Variants in BRD1 observed in about 807,000 individuals in gnomAD.
BRD1 encodes bromodomain-containing protein 1.
Under a neutral mutation model 107.7 loss-of-function variants are expected in BRD1, and 24 were observed. That is an observed-to-expected ratio of 0.22 (90% confidence interval 0.16 to 0.31). The LOEUF (loss-of-function observed/expected upper bound fraction) is 0.31, where lower values mean the gene tolerates loss of function less well. BRD1 is among the 10% of genes least tolerant of loss of function. BRD1 has a pLI of 1.00. For missense variants in BRD1, 1,279 were observed against 1,638.6 expected, an observed-to-expected ratio of 0.78 and a Z score of 3.79; for synonymous variants, 744 against 686.1, an observed-to-expected ratio of 1.08 and a Z score of -1.32.
chr22:49,825,112 AG>A (rs2060132630), intron 1 of BRD1, among the ~76,000 whole-genome samples: 1 of 152,160 alleles, frequency 6.6e-6, no homozygotes, highest in South Asian at 2.1e-4. Context: ...CCTTCCCCTC[AG>A]GGGCACTCCT....
chr22:49,808,296 AT>A (rs1404408926), intron 2 of BRD1, among the ~76,000 whole-genome samples: 1 of 152,272 alleles, frequency 6.6e-6, no homozygotes, highest in Non-Finnish European at 1.5e-5. Context: ...GGAGGAAGGA[AT>A]GGGTAAGCAA....
At chr22:49,775,463 C>G in intron 12 of BRD1, 128 bp downstream of exon 12, 1 of 965,066 alleles carries the variant, frequency 1.0e-6, no homozygotes, top group Non-Finnish European at 1.4e-6. Context: ...GAGCACTCAC[C>G]TCCGACTTTA....
chr22:49,823,640 C>T lies in BRD1; in HGVS notation c.678G>A (p.Gln226=), dbSNP rs768818359. The T allele has an allele frequency of 1.3e-5, 21 of 1,612,630 alleles. No individual in the cohort carries two copies. The highest frequency in any genetic ancestry group is 1.7e-5 in the Non-Finnish European group (20 of 1,179,694). The part of the protein sequence containing the change: ...VCCICMDGEC[Q]NSNVILFCDM... ...CGCAGAAGAGGATCACGTTGCTGTTCTGACACTCCCCGTCCATGCAGATGC... is the reference window on the plus strand; with the variant it reads ...CGCAGAAGAGGATCACGTTGCTGTTTTGACACTCCCCGTCCATGCAGATGC... Residue 226 remains glutamine (Q), a synonymous_variant, in exon 2 of 13, where the codon CAG becomes CAA. Transcript: ENST00000404760.
rs1472511880 is a variant in BRD1 at position 49,827,837 on chromosome 22, G to T, written c.-355C>A. Among the ~76,000 whole-genome samples, 2 of 146,128 alleles carry T rather than the reference G, an allele frequency of 1.4e-5. No homozygotes were observed. The highest frequency in any genetic ancestry group is 6.8e-5 in the Admixed American group (1 of 14,744). On this transcript the variant is annotated 5_prime_UTR_variant, in exon 1 of 13. Transcript: ENST00000404760. ...CGGGGCTGGCTCGGACTCCAGGGCC[G>T]GGTCGCTCGCTCGCTCCCCAGCGAA...
At position 49,825,096 on chromosome 22, in the gene BRD1, C is replaced by T. The variant is rs549594212; in HGVS notation, c.-14-765G>A. 2.0e-5 allele frequency among the ~76,000 whole-genome samples: 3 copies of T among 152,316 alleles called. No homozygotes were observed. The South Asian group carries it at 6.2e-4, about 32-fold the overall frequency. ...TGGAAACCACCACAGGCTGAGCCAA[C>T]CTGCCCCTTCCCCTCAGGGGCACTC... On this transcript the variant is annotated intron_variant, in intron 1 of 12. Coordinates refer to ENST00000404760, the MANE Select transcript of BRD1 (RefSeq NM_001304808.3).
chr22:49,779,998 G>A (rs2059174312), intron 8 of BRD1, among the ~76,000 whole-genome samples: 2 of 152,162 alleles, frequency 1.3e-5, no homozygotes, highest in Admixed American at 6.5e-5. Flanking sequence ...GGTGCAGGGT[G>A]AGCCTGCTCC....
rs1229426375 is a variant in BRD1 at position 49,823,184 on chromosome 22, G to C, written c.1134C>G (p.Ser378=). The part of the protein sequence containing the change: ...KELTGGGTTF[S]VRKTAYCDVH... ...CATCACAGTAAGCGGTCTTTCTGAC[G>C]GAGAAGGTGGTGCCACCGCCAGTCA... The change falls in exon 2 of 13, where the codon TCC becomes TCG. Residue 378 remains serine (S), a synonymous_variant. Transcript: ENST00000404760. The C allele has an allele frequency of 3.1e-6, 5 of 1,614,190 alleles. No homozygotes were observed. Among genetic ancestry groups the C allele is most frequent in the African/African-American group, 1.3e-5 (1 of 75,050 alleles).
intron 7 of BRD1, among the ~76,000 whole-genome samples, chr22:49,791,249 C>T (rs556346666): frequency 2.0e-5 from 3 of 152,360 alleles, no homozygotes; most frequent in Admixed American, 6.5e-5. Context: ...GACTGAGTCG[C>T]GGCTACGGCA....
rs753597177 is a variant in BRD1 at position 49,777,748 on chromosome 22, C to G, written c.2923G>C (p.Ala975Pro). Residue 975 changes from alanine (A) to proline (P), a missense_variant, in exon 9 of 13, where the codon GCC becomes CCC. Coordinates refer to ENST00000404760, the MANE Select transcript of BRD1 (RefSeq NM_001304808.3). ...GAGGCACAGCGTCGTCGGGGTGTGG[C>G]CTTCCTCCCCAGGCCGCCGCCCGGC... ...QEPGGGLGRK[A>P]TPRRRCASES... 3 of 1,606,502 alleles carry G rather than the reference C, an allele frequency of 1.9e-6. No homozygotes were observed. The highest frequency in any genetic ancestry group is 2.5e-6 in the Non-Finnish European group (3 of 1,177,958).
chr22:49,822,120 A>G (rs1601748944), intron 2 of BRD1, among the ~76,000 whole-genome samples: 1 of 152,206 alleles, frequency 6.6e-6, no homozygotes, highest in Admixed American at 6.5e-5. Context: ...TTAGTCACTG[A>G]AATTCTTAAA....
chr22:49,809,755 A>G (rs1417832090), intron 2 of BRD1, among the ~76,000 whole-genome samples: 2 of 152,158 alleles, frequency 1.3e-5, no homozygotes, highest in East Asian at 1.9e-4. Flanking sequence ...AAGTGACCAA[A>G]TTCCAAATGC....
chr22:49,806,009 G>C, intron 2 of BRD1: 1 of 151,850 alleles, frequency 6.6e-6, no homozygotes, highest in East Asian at 1.9e-4. Flanking sequence ...CCCAAGTGCT[G>C]GGATGACAGG....
At chr22:49,798,939 A>G in intron 4 of BRD1, 49 bp downstream of exon 4, 1 of 1,551,894 alleles carries the variant, frequency 6.4e-7, no homozygotes, top group Non-Finnish European at 8.7e-7. Context: ...CGTCCCACCC[A>G]CGCCCCGTGG....
At chr22:49,804,171 G>A (rs748268185) in intron 3 of BRD1, 33 bp downstream of exon 3, 61 of 1,530,026 alleles carry the variant, frequency 4.0e-5, no homozygotes, top group Non-Finnish European at 4.7e-5. Context: ...GGTGAGAGAC[G>A]CAGAAAGGCT....
At chr22:49,798,878 C>CT in intron 4 of BRD1, 110 bp downstream of exon 4, 2 of 1,469,990 alleles carry the variant, frequency 1.4e-6, no homozygotes, top group Non-Finnish European at 1.8e-6. Context: ...CAAGGCACTG[C>CT]TGTGGGCCAG....
chr22:49,813,250 T>A (rs577805561), intron 2 of BRD1, among the ~76,000 whole-genome samples: 1 of 152,054 alleles, frequency 6.6e-6, no homozygotes, highest in South Asian at 2.1e-4. Context: ...TGAGATGGAG[T>A]CTCGCTCTGT....
chr22:49,802,061 G>A (rs1489999562), intron 3 of BRD1, among the ~76,000 whole-genome samples: 3 of 152,196 alleles, frequency 2.0e-5, no homozygotes, highest in Non-Finnish European at 4.4e-5. Flanking sequence ...GTCCAGCCCC[G>A]AGATAAGACC....
Position 49,787,619 on chromosome 22 carries a change from A to G in BRD1, c.2628T>C (p.Asp876=). 6.4e-7 allele frequency: 1 copy of G among 1,551,558 alleles called. No individual in the cohort carries two copies. The highest frequency in any genetic ancestry group is 1.2e-5 in the South Asian group (1 of 84,356). Residue 876 remains aspartate, a synonymous_variant, in exon 8 of 13, where the codon GAT becomes GAC. Coordinates refer to ENST00000404760, the MANE Select transcript of BRD1 (RefSeq NM_001304808.3). ...AGAGAACAGAAGTGCGTCTGTTTACATCGCTTGCTGGCTCCGCCACCGCGG... is the reference window on the plus strand; with the variant it reads ...AGAGAACAGAAGTGCGTCTGTTTACGTCGCTTGCTGGCTCCGCCACCGCGG... ...AASAVAEPAS[D]VNRRTSVLFC...
At chr22:49,810,203 T>C (rs2059824547) in intron 2 of BRD1, among the ~76,000 whole-genome samples, 1 of 151,942 alleles carries the variant, frequency 6.6e-6, no homozygotes, top group South Asian at 2.1e-4. Context: ...TGCTATCAGG[T>C]AAAGGTAGAA....
Sources: gnomAD v4.1 joint callset for allele counts (sites outside exome capture counted in the v4.1 genomes callset) on GRCh38, gnomAD v4.1.1 for gene constraint, MANE v1.5 for transcripts, NCBI Gene and HGNC (gene_info 2026-07-23, HGNC 2026-07-21) for gene names.